CCDC171: variants seen among roughly 807,000 people sequenced by gnomAD.
CCDC171 encodes the protein coiled-coil domain containing 171.
In CCDC171, 177 loss-of-function variants were observed where a neutral mutation model predicts 168.2. That is an observed-to-expected ratio of 1.05 (90% CI 0.93 to 1.19). The LOEUF is 1.19. CCDC171 is among the 50% of genes most tolerant of loss of function. The pLI is 0.00. For synonymous variants in CCDC171, 687 were observed against 540.8 expected, an observed-to-expected ratio of 1.27 and a Z score of -3.75; for missense variants, 1,991 against 1,539.0, an observed-to-expected ratio of 1.29 and a Z score of -4.91.
chr9:15,724,252 A>G (rs745651287), intron 13 of CCDC171, among the ~76,000 whole-genome samples: 5 of 152,168 alleles, frequency 3.3e-5, no homozygotes, highest in Admixed American at 6.5e-5. Flanking sequence ...AACTCTCAGA[A>G]GTTTCCCAGT....
chr9:15,670,304 G>A (rs1475474788), intron 9 of CCDC171, among the ~76,000 whole-genome samples: 1 of 152,040 alleles, frequency 6.6e-6, no homozygotes, highest in African/African-American at 2.4e-5. Flanking sequence ...AATGACAGAT[G>A]CACTTAATTA....
intron 7 of CCDC171, among the ~76,000 whole-genome samples, chr9:15,627,572 T>C (rs1164712767): frequency 1.3e-5 from 2 of 152,232 alleles, no homozygotes; most frequent in African/African-American, 4.8e-5. Context: ...CATTTCGTTA[T>C]GTACCCAGTA....
intron 2 of CCDC171, among the ~76,000 whole-genome samples, chr9:15,568,607 G>A (rs185121130): frequency 1.1e-4 from 17 of 152,266 alleles, no homozygotes; most frequent in Admixed American, 3.3e-4. Context: ...ATTCTGACTG[G>A]TGTGAGATGG....
At chr9:15,922,467 A>C (rs1254747482) in intron 25 of CCDC171, among the ~76,000 whole-genome samples, 1 of 151,626 alleles carries the variant, frequency 6.6e-6, no homozygotes, top group African/African-American at 2.4e-5. Flanking sequence ...CTTTGGAGGT[A>C]TATCCATTAG....
chr9:15,764,347 A>G (rs1360614494), intron 18 of CCDC171, among the ~76,000 whole-genome samples: 1 of 152,240 alleles, frequency 6.6e-6, no homozygotes, highest in African/African-American at 2.4e-5. Flanking sequence ...TTAAAGGTGT[A>G]GGTAGTAAGG....
At chr9:15,784,131 C>A (rs375561422) in intron 20 of CCDC171, among the ~76,000 whole-genome samples, 1 of 152,068 alleles carries the variant, frequency 6.6e-6, no homozygotes, top group East Asian at 1.9e-4. Context: ...TAATAACATA[C>A]GCTGAACACA....
chr9:16,102,308 C>G, the CCDC171 span, among the ~76,000 whole-genome samples: 1 of 152,162 alleles, frequency 6.6e-6, no homozygotes, highest in Non-Finnish European at 1.5e-5. Flanking sequence ...GACATATACA[C>G]ACGCGCTTGC....
chr9:16,089,048 A>G, the CCDC171 span, among the ~76,000 whole-genome samples: 1 of 152,142 alleles, frequency 6.6e-6, no homozygotes, highest in Non-Finnish European at 1.5e-5. Flanking sequence ...GGCCTCAGAA[A>G]TAACACCACA....
intron 1 of CCDC171, among the ~76,000 whole-genome samples, chr9:16,058,379 C>G (rs1833877141): frequency 6.6e-6 from 1 of 152,144 alleles, no homozygotes; most frequent in Non-Finnish European, 1.5e-5. Flanking sequence ...AGCCCCCTTG[C>G]CTGTTACCCT....
intron 1 of CCDC171, among the ~76,000 whole-genome samples, chr9:16,048,911 G>T (rs1426819889): frequency 1.4e-5 from 2 of 144,182 alleles, no homozygotes; most frequent in African/African-American, 2.5e-5. Context: ...CTGAGAGACA[G>T]AAGTGATGAG....
At chr9:15,967,566 A>G (rs1830926025) in intron 25 of CCDC171, among the ~76,000 whole-genome samples, 1 of 152,184 alleles carries the variant, frequency 6.6e-6, no homozygotes, top group Non-Finnish European at 1.5e-5. Context: ...TAGGGTTTAT[A>G]GTATATTCTG....
At chr9:15,778,651 A>AAAAAAAAG (rs1386003567) in intron 19 of CCDC171, among the ~76,000 whole-genome samples, 1 of 149,802 alleles carries the variant, frequency 6.7e-6, no homozygotes, top group Non-Finnish European at 1.5e-5. Flanking sequence ...CTCAAAAAAA[A>AAAAAAAAG]AAAAAAAAAA....
chr9:15,611,535 T>G (rs577235552), intron 6 of CCDC171, among the ~76,000 whole-genome samples: 1 of 152,306 alleles, frequency 6.6e-6, no homozygotes, highest in African/African-American at 2.4e-5. Context: ...GCTATGAGTG[T>G]AGGAGTCAGT....
At position 15,571,671 on chromosome 9, in the gene CCDC171, C is replaced by T. The variant is rs748830497; in HGVS notation, c.89C>T (p.Thr30Ile). The change falls in exon 3 of 26, where the codon ACA (threonine) becomes ATA (isoleucine). Residue 30 changes from threonine to isoleucine, a missense_variant. Physicochemically the swap from Thr to Ile is moderately conservative, Grantham distance 89. Coordinates refer to ENST00000380701, the MANE Select transcript of CCDC171 (RefSeq NM_173550.4). ...GTAAAACAAATACTTAAAAATGAAA[C>T]AGAGTTGGATATTACTGATAATCTC... ...LDVKQILKNE[T>I]ELDITDNLRK... 4 of 1,566,958 alleles carry T rather than the reference C, an allele frequency of 2.6e-6. No individual in the cohort carries two copies. The highest frequency in any genetic ancestry group is 4.3e-5 in the Admixed American group (2 of 46,964).
intron 12 of CCDC171, among the ~76,000 whole-genome samples, chr9:15,722,114 C>T (rs774534556): frequency 6.6e-6 from 1 of 152,174 alleles, no homozygotes; most frequent in Non-Finnish European, 1.5e-5. Flanking sequence ...AAGACTCTAT[C>T]ACTTCTTGAT....
At chr9:15,915,523 T>G (rs1308140392) in intron 24 of CCDC171, among the ~76,000 whole-genome samples, 1 of 152,178 alleles carries the variant, frequency 6.6e-6, no homozygotes, top group Non-Finnish European at 1.5e-5. Flanking sequence ...GGTGGGTTCT[T>G]TAGGATTTTC....
chr9:15,612,972 C>T (rs985249739), intron 6 of CCDC171, among the ~76,000 whole-genome samples: 3 of 152,068 alleles, frequency 2.0e-5, no homozygotes, highest in East Asian at 1.9e-4. Flanking sequence ...TAGGCTCTGT[C>T]GCCTATTTGA....
chr9:15,627,575 A>G (rs1388803144), intron 7 of CCDC171, among the ~76,000 whole-genome samples: 2 of 152,110 alleles, frequency 1.3e-5, no homozygotes, highest in East Asian at 3.9e-4. Flanking sequence ...TTCGTTATGT[A>G]CCCAGTAGTC....
intron 1 of CCDC171, among the ~76,000 whole-genome samples, chr9:16,059,791 G>C (rs1833904266): frequency 6.6e-6 from 1 of 151,330 alleles, no homozygotes; most frequent in African/African-American, 2.4e-5. Context: ...TGGGATTACA[G>C]GCGTGAGCCA....
Sources: gnomAD v4.1 joint callset for allele counts (sites outside exome capture counted in the v4.1 genomes callset) on GRCh38, gnomAD v4.1.1 for gene constraint, MANE v1.5 for transcripts, NCBI Gene and HGNC (gene_info 2026-07-23, HGNC 2026-07-21) for gene names.